Variants in ESYT2 observed in about 807,000 individuals in gnomAD.
ESYT2 encodes the protein extended synaptotagmin 2.
In ESYT2, 54 loss-of-function variants were observed where a neutral mutation model predicts 107.2. That is an observed-to-expected ratio of 0.50 (90% CI 0.40 to 0.63). The LOEUF is 0.63. ESYT2 is among the 30% of genes least tolerant of loss of function. ESYT2 has a pLI of 0.00. For synonymous variants in ESYT2, 491 were observed against 434.1 expected, an observed-to-expected ratio of 1.13 and a Z score of -1.63; for missense variants, 1,020 against 1,094.5, an observed-to-expected ratio of 0.93 and a Z score of 0.96.
intron 19 of ESYT2, among the ~76,000 whole-genome samples, chr7:158,737,395 C>T (rs1000454480): frequency 3.3e-5 from 5 of 152,192 alleles, no homozygotes; most frequent in African/African-American, 1.2e-4. Flanking sequence ...GCAGCGACTT[C>T]GGCCTTCATT....
At chr7:158,826,693 C>T (rs1167875976) in intron 1 of ESYT2, among the ~76,000 whole-genome samples, 8 of 151,078 alleles carry the variant, frequency 5.3e-5, no homozygotes, top group South Asian at 4.2e-4. Flanking sequence ...TGGTGGTGTG[C>T]GCCTGTAGTC....
In ESYT2 at chr7:158,735,476, CTGGTTGAGGATTCG is replaced by C. The variant is rs939246756; in HGVS notation, c.2505+13_2505+26del. 3 of 1,582,688 alleles carry C rather than the reference CTGGTTGAGGATTCG, an allele frequency of 1.9e-6. No homozygotes were observed. In the African/African-American group the frequency reaches 4.1e-5, roughly 21 times the overall value. On this transcript the variant is annotated intron_variant, in intron 21 of 22. Transcript: ENST00000275418. ...TGTTCAATTTTACAAACTGCAGGAACTGGTTGAGGATTCGTTTGGCACTTACTTTGCCAAGGAGC... is the reference window on the plus strand; with the variant it reads ...TGTTCAATTTTACAAACTGCAGGAACTTTGGCACTTACTTTGCCAAGGAGC...
intron 11 of ESYT2, among the ~76,000 whole-genome samples, chr7:158,760,574 G>C (rs565260712): frequency 3.3e-5 from 5 of 152,282 alleles, no homozygotes; most frequent in Admixed American, 2.6e-4. Context: ...TCCTGCCTCA[G>C]CCTCCCCAGC....
In ESYT2 at chr7:158,735,040, C is replaced by T. The variant is rs771662663; in HGVS notation, c.2505+463G>A. 6.2e-4 allele frequency among the ~76,000 whole-genome samples: 94 copies of T among 152,360 alleles called. 1 individual carries two copies. Among genetic ancestry groups the T allele is most frequent in the Non-Finnish European group, 3.1e-4 (21 of 68,032 alleles). On this transcript the variant is annotated intron_variant, in intron 21 of 22. Coordinates refer to ENST00000275418, the MANE Select transcript of ESYT2 (RefSeq NM_001367773.1). ...ACGGAATATCAGCGGAGATGACTCACAGAAGGGTTGGCCCATGTGCCCTCC... is the reference window on the plus strand; with the variant it reads ...ACGGAATATCAGCGGAGATGACTCATAGAAGGGTTGGCCCATGTGCCCTCC...
At chr7:158,817,050 CATTTTACAAATTGGG>C (rs940853325) in intron 1 of ESYT2, among the ~76,000 whole-genome samples, 1 of 152,204 alleles carries the variant, frequency 6.6e-6, no homozygotes, top group Non-Finnish European at 1.5e-5. Context: ...CTTTATATAA[CATTTTACAAATTGGG>C]TACAAAGTAT....
At chr7:158,771,424 C>A (rs1838365446) in intron 7 of ESYT2, among the ~76,000 whole-genome samples, 1 of 152,228 alleles carries the variant, frequency 6.6e-6, no homozygotes, top group Non-Finnish European at 1.5e-5. Flanking sequence ...ATTTCCATTT[C>A]TTTGCCTTCT....
chr7:158,737,762 T>C (rs1837019266), intron 19 of ESYT2, among the ~76,000 whole-genome samples: 1 of 152,242 alleles, frequency 6.6e-6, no homozygotes, highest in South Asian at 2.1e-4. Flanking sequence ...ATCATCTTTC[T>C]AAATGGTGCT....
chr7:158,795,070 C>A (rs1313146261), intron 3 of ESYT2, among the ~76,000 whole-genome samples: 2 of 152,172 alleles, frequency 1.3e-5, no homozygotes, highest in Admixed American at 1.3e-4. Flanking sequence ...GATGAGGGGA[C>A]CAACCCCACT....
intron 13 of ESYT2, among the ~76,000 whole-genome samples, chr7:158,755,534 G>T (rs1011227621): frequency 6.6e-5 from 10 of 152,030 alleles, no homozygotes; most frequent in African/African-American, 2.2e-4. Context: ...TTTACACAGG[G>T]GAGCTATCTA....
intron 3 of ESYT2, among the ~76,000 whole-genome samples, chr7:158,797,211 A>C (rs908000362): frequency 1.3e-5 from 2 of 152,164 alleles, no homozygotes; most frequent in Admixed American, 1.3e-4. Context: ...CCGTAGTGTG[A>C]TCATGGCTCA....
chr7:158,732,255 C>G lies in ESYT2; in HGVS notation c.*1952G>C, dbSNP rs999852760. ...TTATGACAGAAGACTTTCAACAGACCTGATTTTTAAAAAACCCTCAACAAA... is the reference window on the plus strand; with the variant it reads ...TTATGACAGAAGACTTTCAACAGACGTGATTTTTAAAAAACCCTCAACAAA... On this transcript the variant is annotated 3_prime_UTR_variant, in exon 23 of 23. Coordinates refer to ENST00000275418, the MANE Select transcript of ESYT2 (RefSeq NM_001367773.1). 3.9e-5 allele frequency: 6 copies of G among 152,122 alleles called. No homozygotes were observed. The highest frequency in any genetic ancestry group is 1.4e-4 in the African/African-American group (6 of 41,432). The allele number at this position is 152,122 out of a possible 1,614,324, so 9.4% of individuals were successfully genotyped here.
chr7:158,766,427 T>C (rs919608113), intron 8 of ESYT2, among the ~76,000 whole-genome samples: 18 of 152,136 alleles, frequency 1.2e-4, no homozygotes, highest in Non-Finnish European at 2.5e-4. Flanking sequence ...TTTCTACAAG[T>C]AAAGGGATTC....
intron 8 of ESYT2, among the ~76,000 whole-genome samples, chr7:158,767,250 A>G (rs567320880): frequency 6.6e-6 from 1 of 152,376 alleles, no homozygotes; most frequent in Admixed American, 6.5e-5. Flanking sequence ...GAGAAAATAT[A>G]CAAATTATTA....
intron 4 of ESYT2, among the ~76,000 whole-genome samples, chr7:158,791,155 A>AG: frequency 6.6e-6 from 1 of 152,076 alleles, no homozygotes; most frequent in Non-Finnish European, 1.5e-5. Context: ...TCTGTCTATG[A>AG]GTTTGACTCC....
intron 6 of ESYT2, among the ~76,000 whole-genome samples, chr7:158,777,143 G>A (rs933831699): frequency 3.3e-5 from 5 of 151,984 alleles, no homozygotes; most frequent in Non-Finnish European, 7.3e-5. Context: ...GATTACAGGC[G>A]TGAGCCACCT....
intron 6 of ESYT2, among the ~76,000 whole-genome samples, chr7:158,778,336 G>A (rs1268573255): frequency 6.6e-6 from 1 of 151,972 alleles, no homozygotes; most frequent in Non-Finnish European, 1.5e-5. Flanking sequence ...GGTGAGACAA[G>A]GACTGACTTT....
At chr7:158,782,411 C>G (rs1216062312) in intron 6 of ESYT2, among the ~76,000 whole-genome samples, 2 of 143,998 alleles carry the variant, frequency 1.4e-5, no homozygotes, top group Non-Finnish European at 3.0e-5. Context: ...AGTGAGTGAA[C>G]GAGTGTGAGA....
intron 1 of ESYT2, among the ~76,000 whole-genome samples, chr7:158,828,839 T>C (rs1367418987): frequency 7.0e-6 from 1 of 142,004 alleles, no homozygotes; most frequent in Non-Finnish European, 1.6e-5. Context: ...GGGCGGGGTC[T>C]GCACTCACCT....
intron 16 of ESYT2, 118 bp from the exon 17 acceptor site, chr7:158,743,796 A>T: frequency 1.7e-6 from 2 of 1,211,130 alleles, no homozygotes; most frequent in Non-Finnish European, 2.2e-6. Flanking sequence ...AAATGTAGAA[A>T]GGGGCCAGGT....
Sources: gnomAD v4.1 joint callset for allele counts (sites outside exome capture counted in the v4.1 genomes callset) on GRCh38, gnomAD v4.1.1 for gene constraint, MANE v1.5 for transcripts, NCBI Gene and HGNC (gene_info 2026-07-23, HGNC 2026-07-21) for gene names.